WNK2: variants seen among roughly 807,000 people sequenced by gnomAD.
WNK2 encodes the protein WNK lysine deficient protein kinase 2.
WNK2 carries 67 observed loss-of-function variants against 192.1 expected under a neutral mutation model. The observed-to-expected ratio is 0.35, with a 90% CI of 0.29 to 0.43. The LOEUF (loss-of-function observed/expected upper bound fraction) is 0.43. Among genes scored for constraint, WNK2 ranks in the 20% least tolerant of loss-of-function variants. The pLI is 1.00. For missense variants in WNK2, 2,698 were observed against 3,089.7 expected, an observed-to-expected ratio of 0.87 and a Z score of 3.01; for synonymous variants, 1,439 against 1,393.9, an observed-to-expected ratio of 1.03 and a Z score of -0.72.
At chr9:93,230,422 A>G (rs992103628) in intron 3 of WNK2, among the ~76,000 whole-genome samples, 2 of 151,942 alleles carry the variant, frequency 1.3e-5, no homozygotes, top group African/African-American at 4.8e-5. Flanking sequence ...TCACCCACCC[A>G]CCTCCTCCCA....
chr9:93,317,820 A>G (rs1292699447), intron 29 of WNK2, 189 bp downstream of exon 29: 2 of 1,496,534 alleles, frequency 1.3e-6, no homozygotes, highest in Admixed American at 2.2e-5. Context: ...TGTGGTCAGC[A>G]TGCCTGGCCC....
In WNK2 at chr9:93,289,344, C is replaced by T. The variant is rs768164302; in HGVS notation, c.4590C>T (p.Ala1530=). 3 of 1,608,858 alleles carry T rather than the reference C, an allele frequency of 1.9e-6. No individual in the cohort carries two copies. Among genetic ancestry groups the T allele is most frequent in the Admixed American group, 1.7e-5 (1 of 59,584 alleles). Residue 1530 remains alanine (A), a synonymous_variant, in exon 20 of 30, where the codon GCC becomes GCT. Coordinates refer to ENST00000427277, the MANE Select transcript of WNK2 (RefSeq NM_006648.4). ...CCGTCCCCCCACAGCCACCCTCGGCCCTGGAGTCGGATGGGGAAGGGCCGC... is the reference window on the plus strand; with the variant it reads ...CCGTCCCCCCACAGCCACCCTCGGCTCTGGAGTCGGATGGGGAAGGGCCGC... ...GPTVPPQPPS[A]LESDGEGPPP...
At chr9:93,317,427 G>A (rs1054759855) in intron 28 of WNK2, 93 bp from the exon 29 acceptor site, 59 of 1,249,138 alleles carry the variant, frequency 4.7e-5, no homozygotes, top group Non-Finnish European at 6.5e-5. Context: ...GCCTCCTGAG[G>A]ATGGAGAAAC....
intron 2 of WNK2, among the ~76,000 whole-genome samples, chr9:93,202,626 G>A (rs539831539): frequency 1.4e-4 from 21 of 152,058 alleles, no homozygotes; most frequent in African/African-American, 5.1e-4. Flanking sequence ...CTCTTTGGGG[G>A]AGGGAAAATT....
At position 93,289,041 on chromosome 9, in the gene WNK2, G is replaced by T; in HGVS notation, c.4287G>T (p.Glu1429Asp). The T allele has an allele frequency of 6.2e-7, 1 of 1,604,442 alleles. No homozygotes were observed. The highest frequency in any genetic ancestry group is 8.5e-7 in the Non-Finnish European group (1 of 1,175,884). Residue 1429 changes from glutamate (E) to aspartate (D), a missense_variant, in exon 20 of 30, where the codon GAG becomes GAT. Around this residue, in one of 7 missense-constraint regions of WNK2, gnomAD observed 1,098 missense variants for 1,101.0 expected, o/e 1.00. Transcript: ENST00000427277. The stretch of plus-strand genomic sequence containing the variant: ...GGACACCTCAGGGGCTGACCAGTGA[G>T]CTCGAGACGTCTCAGCCACTAGCGG... ...GPGTPQGLTS[E>D]LETSQPLAET...
chr9:93,305,116 A>G (rs1852286399), intron 26 of WNK2, among the ~76,000 whole-genome samples: 1 of 152,214 alleles, frequency 6.6e-6, no homozygotes, highest in Non-Finnish European at 1.5e-5. Flanking sequence ...CAGCATGGCA[A>G]CAGCCAGGAA....
intron 2 of WNK2, among the ~76,000 whole-genome samples, chr9:93,190,497 T>C (rs1830145120): frequency 6.6e-6 from 1 of 152,354 alleles, no homozygotes; most frequent in South Asian, 2.1e-4. Flanking sequence ...ACCCCAGCAC[T>C]GGCTCAGATG....
rs1433206501 is a variant in WNK2 at position 93,184,938 on chromosome 9, C to T, written c.9C>T (p.Gly3=). MD[G]DGGRRDVPGT... is the part of the protein sequence containing the mutation. ...GTCCTTGGCCCACAGAGATGGACGG[C>T]GATGGCGGCCGCCGAGACGTCCCCG... The change falls in exon 2 of 30, where the codon GGC becomes GGT. Residue 3 remains glycine, a synonymous_variant. Coordinates refer to ENST00000427277, the MANE Select transcript of WNK2 (RefSeq NM_006648.4). 4 of 1,206,296 alleles carry T rather than the reference C, an allele frequency of 3.3e-6. No homozygotes were observed. Among genetic ancestry groups the T allele is most frequent in the East Asian group, 3.5e-5 (1 of 28,778 alleles). The allele number at this position is 1,206,296 out of a possible 1,614,324, so 74.7% of individuals were successfully genotyped here. A position where few individuals can be genotyped will look rare whatever the true frequency, so the allele number is the denominator to read the frequency against.
In WNK2 at chr9:93,285,900, C is replaced by G. The variant is rs1848380750; in HGVS notation, c.4034-2888C>G. On this transcript the variant is annotated intron_variant, in intron 19 of 29. Transcript: ENST00000427277. ...CCCACATCTTTGGACACGTGGTTGA[C>G]AAGAAAGGTCCGATTGTCAAACAGT... Among the ~76,000 whole-genome samples, 3 of 152,128 alleles carry G rather than the reference C, an allele frequency of 2.0e-5. No homozygotes were observed. In the South Asian group the frequency reaches 6.2e-4, roughly 32 times the overall value.
intron 4 of WNK2, among the ~76,000 whole-genome samples, chr9:93,232,964 CAAAAAAAA>C (rs71511650): frequency 1.2e-5 from 1 of 81,976 alleles, no homozygotes; most frequent in Non-Finnish European, 2.2e-5. Context: ...CCTGTCTCTA[CAAAAAAAA>C]AAAAAAAAAA....
At chr9:93,225,355 C>T (rs1837626789) in intron 2 of WNK2, among the ~76,000 whole-genome samples, 1 of 152,170 alleles carries the variant, frequency 6.6e-6, no homozygotes, top group African/African-American at 2.4e-5. Context: ...ATGATCACAC[C>T]ACGGCACTCC....
chr9:93,317,041 C>T (rs899417913), intron 28 of WNK2: 2 of 194,396 alleles, frequency 1.0e-5, no homozygotes, highest in Admixed American at 1.1e-4. Context: ...TACAGCTTCT[C>T]CCCGGGCTGG....
intron 29 of WNK2, chr9:93,318,996 T>C: frequency 6.7e-7 from 1 of 1,502,146 alleles, no homozygotes; most frequent in Non-Finnish European, 8.9e-7. Flanking sequence ...TCTAGGTGAT[T>C]ATGCAGAATC....
intron 2 of WNK2, among the ~76,000 whole-genome samples, chr9:93,222,859 T>G (rs996204742): frequency 3.9e-5 from 6 of 152,210 alleles, no homozygotes; most frequent in African/African-American, 1.4e-4. Flanking sequence ...ATTTTGTATT[T>G]TTAATAGAGA....
At chr9:93,222,096 CG>C (rs1837010402) in intron 2 of WNK2, among the ~76,000 whole-genome samples, 1 of 139,874 alleles carries the variant, frequency 7.1e-6, no homozygotes, top group African/African-American at 2.5e-5. Flanking sequence ...TGTGTATGTG[CG>C]GGCGGCAGGG....
In WNK2 at chr9:93,263,706, C is replaced by T; in HGVS notation, c.3551C>T (p.Ala1184Val). The part of the protein sequence containing the change: ...STRARSRQER[A>V]SRPRLTILNV... ...CGTGCGCGCTCCCGGCAGGAGAGGGCCAGCCGGCCCCGGCTTACCATCTTG... is the reference window on the plus strand; with the variant it reads ...CGTGCGCGCTCCCGGCAGGAGAGGGTCAGCCGGCCCCGGCTTACCATCTTG... Residue 1184 changes from alanine (A) to valine (V), a missense_variant, in exon 15 of 30, where the codon GCC becomes GTC. By Grantham distance (64) the Ala-to-Val change is moderately conservative. Around this residue, in one of 7 missense-constraint regions of WNK2, gnomAD observed 893 missense variants for 909.0 expected, o/e 0.98. Transcript: ENST00000427277. The T allele has an allele frequency of 6.5e-7, 1 of 1,531,752 alleles. No homozygotes were observed. Among genetic ancestry groups the T allele is most frequent in the Non-Finnish European group, 8.7e-7 (1 of 1,144,574 alleles). The allele number at this position is 1,531,752 out of a possible 1,614,324, so 94.9% of individuals were successfully genotyped here.
In WNK2 at chr9:93,252,758, G is replaced by A. The variant is rs1462616321; in HGVS notation, c.1835-125G>A. On this transcript the variant is annotated intron_variant, in intron 8 of 29. Transcript: ENST00000427277. The stretch of plus-strand genomic sequence containing the variant: ...AGCCAATTGTTTAAACAATATGTGC[G>A]GGTTATTTATGTGATCTGGAGAAAC... The A allele has an allele frequency of 1.6e-5, 14 of 889,810 alleles. No individual in the cohort carries two copies. In the Middle Eastern group the frequency reaches 9.5e-4, roughly 61 times the overall value. The allele number at this position is 889,810 out of a possible 1,614,324, so 55.1% of individuals were successfully genotyped here.
chr9:93,297,131 C>T (rs1457576669), intron 23 of WNK2, among the ~76,000 whole-genome samples: 1 of 146,352 alleles, frequency 6.8e-6, no homozygotes, highest in Non-Finnish European at 1.5e-5. Context: ...CCTCGGCGTC[C>T]TCCCCTCGGC....
chr9:93,189,576 A>T (rs570771540), intron 2 of WNK2, among the ~76,000 whole-genome samples: 1 of 152,278 alleles, frequency 6.6e-6, no homozygotes, highest in East Asian at 1.9e-4. Flanking sequence ...CTGGGAGTGG[A>T]TGATGCCAGA....
Sources: allele counts gnomAD v4.1 joint callset (sites outside exome capture counted in the v4.1 genomes callset), GRCh38; gene constraint gnomAD v4.1.1; regional missense constraint gnomAD v4.1.1; transcripts MANE v1.5; gene names NCBI Gene and HGNC (gene_info 2026-07-23, HGNC 2026-07-21).